The following ESRRG variants were observed in gnomAD, a reference collection of about 807,000 sequenced individuals.
The protein encoded by ESRRG is estrogen related receptor gamma, also known as estrogen-related receptor gamma.
In ESRRG, 13 loss-of-function variants were observed where a neutral mutation model predicts 44.0. The ratio of observed to expected loss-of-function variants is 0.30; its 90% CI spans 0.19 to 0.47. The LOEUF is 0.47. ESRRG is among the 20% of genes least tolerant of loss of function. The pLI is 1.00. For missense variants in ESRRG, 395 were observed against 580.6 expected (o/e 0.68, Z 3.29); for synonymous variants, 215 against 214.6 (o/e 1.00, Z -0.02).
At chr1:216,814,118 G>GAAA (rs111316687) in intron 2 of ESRRG, among the ~76,000 whole-genome samples, 11 of 143,862 alleles carry the variant, frequency 7.6e-5, no homozygotes, top group Non-Finnish European at 1.4e-4. Context: ...CTTGGTCATG[G>GAAA]GAAAAAAAAA....
chr1:216,568,213 T>C, intron 3 of ESRRG, 115 bp from the exon 4 acceptor site: 1 of 758,508 alleles, frequency 1.3e-6, no homozygotes, highest in East Asian at 2.5e-5. Flanking sequence ...GAATGCAGAA[T>C]GGACCAGGGG....
chr1:216,668,862 A>G (rs902778285), intron 2 of ESRRG, among the ~76,000 whole-genome samples: 8 of 152,240 alleles, frequency 5.3e-5, no homozygotes, highest in Non-Finnish European at 1.2e-4. Flanking sequence ...GAAATAATAG[A>G]CTAAAAAAAG....
At chr1:216,796,844 AG>A (rs1298633020) in intron 2 of ESRRG, among the ~76,000 whole-genome samples, 1 of 152,156 alleles carries the variant, frequency 6.6e-6, no homozygotes, top group East Asian at 1.9e-4. Context: ...TCAAAATGTC[AG>A]CATCACTTTT....
At chr1:216,761,459 T>A (rs2092768772) in intron 2 of ESRRG, among the ~76,000 whole-genome samples, 1 of 152,020 alleles carries the variant, frequency 6.6e-6, no homozygotes, top group South Asian at 2.1e-4. Context: ...ATTTGGTGAG[T>A]GCATAAATGA....
intron 1 of ESRRG, among the ~76,000 whole-genome samples, chr1:216,712,155 C>T (rs1473121904): frequency 2.0e-5 from 3 of 152,164 alleles, no homozygotes; most frequent in East Asian, 1.9e-4. Context: ...GTCTTGGGTA[C>T]ATAGGCCCTA....
chr1:216,843,664 T>C (rs2095689964), intron 2 of ESRRG, among the ~76,000 whole-genome samples: 1 of 152,164 alleles, frequency 6.6e-6, no homozygotes, highest in South Asian at 2.1e-4. Flanking sequence ...TAACAGATTG[T>C]GGGGCTGTAA....
At chr1:216,563,006 T>C (rs1037998503) in intron 5 of ESRRG, among the ~76,000 whole-genome samples, 3 of 152,168 alleles carry the variant, frequency 2.0e-5, no homozygotes, top group Non-Finnish European at 4.4e-5. Context: ...ATATCAAATA[T>C]CCACACAATC....
chr1:216,548,150 G>A (rs940491839), intron 5 of ESRRG, among the ~76,000 whole-genome samples: 1 of 152,056 alleles, frequency 6.6e-6, no homozygotes, highest in Admixed American at 6.6e-5. Context: ...GAAAAGGTAC[G>A]GAAGTGGCAT....
intron 2 of ESRRG, among the ~76,000 whole-genome samples, chr1:216,837,060 C>T (rs1224688712): frequency 6.6e-6 from 1 of 152,034 alleles, no homozygotes; most frequent in Non-Finnish European, 1.5e-5. Context: ...AATAAAATTA[C>T]ACATGATAAG....
intron 3 of ESRRG, among the ~76,000 whole-genome samples, chr1:216,580,573 G>A (rs1030349340): frequency 6.6e-6 from 1 of 152,150 alleles, no homozygotes; most frequent in Non-Finnish European, 1.5e-5. Flanking sequence ...ATCATAGATT[G>A]CTATACTTGG....
In ESRRG at chr1:216,967,764, T is replaced by G. The variant is rs150095566; in HGVS notation, c.-105-28091A>C. Among the ~76,000 whole-genome samples, 8 of 152,204 alleles carry G rather than the reference T, an allele frequency of 5.3e-5. No homozygotes were observed. The East Asian group carries it at 1.2e-3, about 22-fold the overall frequency. On this transcript the variant is annotated intron_variant, in intron 1 of 7. Coordinates refer to the ESRRG transcript ENST00000359162. Reference sequence around the variant, plus strand: ...TTAGGTAAAAACCAAGGAACATGATTGTTGAATCATATAGTAAGAGTGTGT... The same window carrying G: ...TTAGGTAAAAACCAAGGAACATGATGGTTGAATCATATAGTAAGAGTGTGT...
intron 3 of ESRRG, among the ~76,000 whole-genome samples, chr1:216,617,830 G>A (rs2061624518): frequency 6.6e-6 from 1 of 152,096 alleles, no homozygotes; most frequent in African/African-American, 2.4e-5. Context: ...GAAAATGCAA[G>A]TCACTTTCCC....
intron 3 of ESRRG, among the ~76,000 whole-genome samples, chr1:216,623,639 A>G (rs2062680341): frequency 6.6e-6 from 1 of 152,214 alleles, no homozygotes; most frequent in Admixed American, 6.5e-5. Context: ...ACAAATACTG[A>G]TAAGAATAAC....
At chr1:216,866,673 T>A (rs560050187) in intron 2 of ESRRG, among the ~76,000 whole-genome samples, 1 of 151,898 alleles carries the variant, frequency 6.6e-6, no homozygotes, top group Non-Finnish European at 1.5e-5. Context: ...TAGGCTCCGG[T>A]GATCCTCCCA....
chr1:216,514,387 A>C (rs775763710), intron 6 of ESRRG, among the ~76,000 whole-genome samples: 6 of 152,170 alleles, frequency 3.9e-5, no homozygotes, highest in Non-Finnish European at 8.8e-5. Context: ...GGTAAAAATT[A>C]GGAACAAAGC....
intron 2 of ESRRG, among the ~76,000 whole-genome samples, chr1:216,740,954 A>T (rs541862432): frequency 6.6e-6 from 1 of 151,780 alleles, no homozygotes; most frequent in Admixed American, 6.6e-5. Flanking sequence ...TAACTATTTC[A>T]TTGGGCAGAA....
At chr1:216,767,285 G>T (rs528162456) in intron 2 of ESRRG, among the ~76,000 whole-genome samples, 1 of 151,816 alleles carries the variant, frequency 6.6e-6, no homozygotes, top group African/African-American at 2.4e-5. Flanking sequence ...ACACACACAC[G>T]CAAAGGAGTG....
intron 1 of ESRRG, among the ~76,000 whole-genome samples, chr1:216,978,070 G>A (rs572045354): frequency 1.3e-5 from 2 of 152,164 alleles, no homozygotes; most frequent in South Asian, 4.1e-4. Context: ...AGATTATCTA[G>A]TCGGCTGTAT....
At chr1:217,083,439 A>G (rs142095765) in intron 1 of ESRRG, among the ~76,000 whole-genome samples, 150 of 152,362 alleles carry the variant, frequency 9.8e-4, no homozygotes, top group African/African-American at 3.4e-3. Context: ...ATCATTATCA[A>G]TCATGCACTA....
Sources: allele counts gnomAD v4.1 joint callset (sites outside exome capture counted in the v4.1 genomes callset), GRCh38; gene constraint gnomAD v4.1.1; transcripts MANE v1.5; gene names NCBI Gene and HGNC (gene_info 2026-07-23, HGNC 2026-07-21).